Variants in DTWD2 observed in about 807,000 individuals in gnomAD.
DTWD2 encodes DTW motif tRNA-uridine aminocarboxypropyltransferase 2.
DTWD2 carries 39 observed loss-of-function variants against 31.8 expected under a neutral mutation model. The observed-to-expected ratio is 1.22, with a 90% CI of 0.95 to 1.60. The LOEUF (loss-of-function observed/expected upper bound fraction) is 1.60, where lower values mean the gene tolerates loss of function less well. DTWD2 is among the 40% of genes most tolerant of loss of function. The pLI, the probability that DTWD2 is intolerant of heterozygous loss-of-function variation, is 0.00. For missense variants in DTWD2, 515 were observed against 381.5 expected (o/e 1.35, Z -2.92); for synonymous variants, 180 against 142.8 (o/e 1.26, Z -1.86).
intron 1 of DTWD2, among the ~76,000 whole-genome samples, chr5:118,950,079 G>A (rs867333631): frequency 1.4e-4 from 22 of 151,956 alleles, no homozygotes; most frequent in African/African-American, 3.4e-4. Flanking sequence ...GCATGGTGGC[G>A]GACGCCTGTC....
intron 1 of DTWD2, among the ~76,000 whole-genome samples, chr5:118,962,527 C>A (rs1754730438): frequency 6.7e-6 from 1 of 149,030 alleles, no homozygotes; most frequent in Non-Finnish European, 1.5e-5. Context: ...CTTCTGAATC[C>A]AAAAAAAAAT....
chr5:118,900,329 T>A (rs747714040), intron 4 of DTWD2, among the ~76,000 whole-genome samples: 1 of 152,174 alleles, frequency 6.6e-6, no homozygotes, highest in Non-Finnish European at 1.5e-5. Context: ...ACTTTTTCCC[T>A]TAATTACATT....
chr5:118,849,288 C>A (rs1186681766), intron 4 of DTWD2, among the ~76,000 whole-genome samples: 1 of 152,184 alleles, frequency 6.6e-6, no homozygotes, highest in East Asian at 1.9e-4. Flanking sequence ...CTCATCATCA[C>A]TGGTCATTAG....
chr5:118,879,078 G>A (rs1752682914), intron 4 of DTWD2, among the ~76,000 whole-genome samples: 4 of 152,168 alleles, frequency 2.6e-5, no homozygotes, highest in East Asian at 1.9e-4. Flanking sequence ...AGGCAGTTTC[G>A]AGATGACTCA....
At chr5:118,956,163 C>A (rs1311600585) in intron 1 of DTWD2, among the ~76,000 whole-genome samples, 1 of 152,168 alleles carries the variant, frequency 6.6e-6, no homozygotes, top group East Asian at 1.9e-4. Context: ...AACATTCTGG[C>A]TATTATTTTG....
intron 1 of DTWD2, among the ~76,000 whole-genome samples, chr5:118,950,235 AAAG>A (rs1471744920): frequency 7.3e-5 from 11 of 151,564 alleles, no homozygotes; most frequent in Non-Finnish European, 1.5e-4. Flanking sequence ...AAAAAAAAAA[AAAG>A]AATATTGTCT....
chr5:118,852,243 G>C (rs1752025866), intron 4 of DTWD2, among the ~76,000 whole-genome samples: 1 of 152,088 alleles, frequency 6.6e-6, no homozygotes, highest in Non-Finnish European at 1.5e-5. Flanking sequence ...TTTCCAAGGT[G>C]CACTGGTTTC....
intron 4 of DTWD2, among the ~76,000 whole-genome samples, chr5:118,856,663 CT>C (rs1378214387): frequency 6.7e-6 from 1 of 150,364 alleles, no homozygotes; most frequent in Non-Finnish European, 1.5e-5. Flanking sequence ...TATTATCAGA[CT>C]TTTAAAAATG....
At chr5:118,869,735 A>G (rs530824876) in intron 4 of DTWD2, among the ~76,000 whole-genome samples, 111 of 152,206 alleles carry the variant, frequency 7.3e-4, no homozygotes, top group Non-Finnish European at 1.4e-3. Flanking sequence ...ATGGTAACTT[A>G]TAGTTTCTAT....
chr5:118,977,008 A>C (rs1206816231), intron 1 of DTWD2, among the ~76,000 whole-genome samples: 2 of 152,204 alleles, frequency 1.3e-5, no homozygotes, highest in African/African-American at 4.8e-5. Flanking sequence ...TCAGCTTCAT[A>C]CCTGGGATGC....
chr5:118,913,415 A>G (rs1227492382), intron 4 of DTWD2, among the ~76,000 whole-genome samples: 4 of 134,378 alleles, frequency 3.0e-5, no homozygotes, highest in Non-Finnish European at 6.4e-5. Flanking sequence ...ATATAGATAT[A>G]TATAGATATA....
At chr5:118,869,929 C>T (rs1339596276) in intron 4 of DTWD2, among the ~76,000 whole-genome samples, 3 of 152,012 alleles carry the variant, frequency 2.0e-5, no homozygotes, top group Admixed American at 2.0e-4. Flanking sequence ...AGAACCATCC[C>T]CTTGATGATG....
At chr5:118,864,248 GA>G (rs1393355641) in intron 4 of DTWD2, among the ~76,000 whole-genome samples, 1 of 149,878 alleles carries the variant, frequency 6.7e-6, no homozygotes, top group Non-Finnish European at 1.5e-5. Context: ...GATGAAACTG[GA>G]AATTATCATT....
chr5:118,959,389 C>T (rs1283034145), intron 1 of DTWD2, among the ~76,000 whole-genome samples: 1 of 151,952 alleles, frequency 6.6e-6, no homozygotes, highest in Non-Finnish European at 1.5e-5. Context: ...ATATAGCTAA[C>T]CAAGGAGGTA....
Position 118,842,953 on chromosome 5 carries a change from CTTTT to C in DTWD2, c.727-1870_727-1867del, listed in dbSNP as rs1181962036. Among the ~76,000 whole-genome samples, 186 of 108,810 alleles carry C rather than the reference CTTTT, an allele frequency of 1.7e-3. 2 individuals carry two copies. The highest frequency in any genetic ancestry group is 0.015 in the East Asian group (59 of 3,976). 71.4% of individuals were successfully genotyped at this position (108,810 alleles called of 152,430 possible). Reference sequence around the variant, plus strand: ...CAGAATGAGAAACTTTCTTCTTCCTCTTTTTTTTTTTTTTTTTTTTTGAGATGGA... The same window carrying C: ...CAGAATGAGAAACTTTCTTCTTCCTCTTTTTTTTTTTTTTTTTGAGATGGA... On this transcript the variant is annotated intron_variant, in intron 5 of 5. Transcript: ENST00000510708.
chr5:118,909,592 G>T (rs1753414030), intron 4 of DTWD2, among the ~76,000 whole-genome samples: 2 of 152,158 alleles, frequency 1.3e-5, no homozygotes, highest in African/African-American at 4.8e-5. Context: ...CTGCCACCAG[G>T]TTCAGCTTCC....
At chr5:118,891,273 C>T (rs1467571093) in intron 4 of DTWD2, among the ~76,000 whole-genome samples, 1 of 151,842 alleles carries the variant, frequency 6.6e-6, no homozygotes, top group Non-Finnish European at 1.5e-5. Flanking sequence ...GCCATCTGTT[C>T]CCACTATGCA....
chr5:118,879,609 CAA>C (rs775009585), intron 4 of DTWD2, among the ~76,000 whole-genome samples: 13 of 36,170 alleles, frequency 3.6e-4, no homozygotes, highest in East Asian at 1.3e-3. Context: ...GACTACAGCT[CAA>C]AAAAAAAAAA....
At chr5:118,957,559 T>C (rs1441428708) in intron 1 of DTWD2, among the ~76,000 whole-genome samples, 1 of 152,078 alleles carries the variant, frequency 6.6e-6, no homozygotes, top group Non-Finnish European at 1.5e-5. Context: ...AGTTGTCCTA[T>C]CCTAAAACGG....
Sources: allele counts gnomAD v4.1 joint callset (sites outside exome capture counted in the v4.1 genomes callset), GRCh38; gene constraint gnomAD v4.1.1; transcripts MANE v1.5; gene names NCBI Gene and HGNC (gene_info 2026-07-23, HGNC 2026-07-21).